Variants in STRN observed in about 807,000 individuals in gnomAD.
The protein encoded by STRN is protein phosphatase 2 regulatory subunit B'''alpha.
In STRN, 53 loss-of-function variants were observed where a neutral mutation model predicts 96.3. The observed-to-expected ratio is 0.55, with a 90% CI of 0.44 to 0.69. The LOEUF is 0.69. STRN is among the 30% of genes least tolerant of loss of function. STRN has a pLI of 0.00. For synonymous variants in STRN, 428 were observed against 355.9 expected, an observed-to-expected ratio of 1.20 and a Z score of -2.28; for missense variants, 987 against 963.9, an observed-to-expected ratio of 1.02 and a Z score of -0.32.
chr2:36,878,651 T>C (rs1211327333), intron 9 of STRN, among the ~76,000 whole-genome samples: 1 of 152,214 alleles, frequency 6.6e-6, no homozygotes, highest in African/African-American at 2.4e-5. Flanking sequence ...GTAATAATTC[T>C]ATCTTGATGA....
chr2:36,900,211 T>C (rs570914117), intron 5 of STRN, among the ~76,000 whole-genome samples: 23 of 152,294 alleles, frequency 1.5e-4, no homozygotes, highest in Non-Finnish European at 2.9e-4. Context: ...AGTGGTAATC[T>C]AATGTAAAAA....
chr2:36,865,459 T>A (rs574779514), intron 12 of STRN, among the ~76,000 whole-genome samples: 1 of 152,272 alleles, frequency 6.6e-6, no homozygotes, highest in Admixed American at 6.5e-5. Context: ...TTTTTTTGTG[T>A]GTCTCAATTT....
intron 2 of STRN, among the ~76,000 whole-genome samples, chr2:36,920,884 G>A (rs1037217787): frequency 6.6e-6 from 1 of 151,744 alleles, no homozygotes; most frequent in African/African-American, 2.4e-5. Context: ...AGACCATCCT[G>A]GCCAAGATGG....
rs534608286 is a variant in STRN at position 36,921,626 on chromosome 2, C to T, written c.338+3479G>A. On this transcript the variant is annotated intron_variant, in intron 2 of 17. Transcript: ENST00000263918. ...TGGGAGTCATTCTCAAATTATCTTT[C>T]TCATTCACCCACTGTCCCATCTCCA... is the stretch of plus-strand genomic sequence containing the variant. Among the ~76,000 whole-genome samples the T allele has an allele frequency of 9.2e-5, 14 of 152,324 alleles. 2 individuals are homozygous for T. In the South Asian group the frequency reaches 2.9e-3, roughly 32 times the overall value.
intron 13 of STRN, among the ~76,000 whole-genome samples, chr2:36,860,423 T>A (rs1200452900): frequency 1.3e-5 from 2 of 152,146 alleles, no homozygotes; most frequent in East Asian, 1.9e-4. Context: ...CTGGGAAAAA[T>A]TTTTGTTTAT....
At chr2:36,898,954 A>T (rs1005201719) in intron 6 of STRN, among the ~76,000 whole-genome samples, 2 of 152,142 alleles carry the variant, frequency 1.3e-5, no homozygotes, top group African/African-American at 4.8e-5. Context: ...GGAAGAAGAG[A>T]AGAAAATGGA....
chr2:36,934,432 T>G lies in STRN; in HGVS notation c.235-9224A>C, dbSNP rs1369841281. Among the ~76,000 whole-genome samples, 3 of 152,336 alleles carry G rather than the reference T, an allele frequency of 2.0e-5. No homozygotes were observed. The East Asian group carries it at 5.8e-4, about 29-fold the overall frequency. On this transcript the variant is annotated intron_variant, in intron 1 of 17. Coordinates refer to ENST00000263918, the MANE Select transcript of STRN (RefSeq NM_003162.4). ...ATTCCACAAAAAGATGTCTTAATCT[T>G]AAAATCTGAGGATTTACAGAGCTCT... is the stretch of plus-strand genomic sequence containing the variant.
At chr2:36,955,118 C>T (rs1664852826) in intron 1 of STRN, among the ~76,000 whole-genome samples, 1 of 152,152 alleles carries the variant, frequency 6.6e-6, no homozygotes, top group African/African-American at 2.4e-5. Context: ...TATTAAAATT[C>T]ACTTGGCTCC....
At chr2:36,896,144 C>A (rs1195951624) in intron 6 of STRN, among the ~76,000 whole-genome samples, 1 of 152,090 alleles carries the variant, frequency 6.6e-6, no homozygotes, top group Non-Finnish European at 1.5e-5. Context: ...ACAAAAAGAG[C>A]AGGCAAAATC....
intron 7 of STRN, among the ~76,000 whole-genome samples, chr2:36,888,431 A>T (rs558718575): frequency 2.0e-5 from 3 of 152,258 alleles, no homozygotes; most frequent in African/African-American, 7.2e-5. Flanking sequence ...TTCTCCCTAG[A>T]ATCACTCTGC....
intron 2 of STRN, among the ~76,000 whole-genome samples, chr2:36,923,181 C>T (rs112245655): frequency 8.7e-5 from 13 of 149,842 alleles, no homozygotes; most frequent in Non-Finnish European, 7.4e-5. Context: ...CAGGTACATT[C>T]GCTCACGCCT....
rs774089395 is a variant in STRN, at chr2:36,966,250, C to A, written c.214G>T (p.Val72Leu). The change falls in exon 1 of 18, where the codon GTG becomes TTG. Residue 72 changes from valine (V) to leucine (L), a missense_variant. Physicochemically the swap from Val to Leu is conservative, Grantham distance 32. Transcript: ENST00000263918. ...RFEVERAQWE[V>L]ERAELQAQIA... is the part of the protein sequence containing the mutation. ...TTTACCTGCAGCTCCGCCCGCTCCA[C>A]CTCCCACTGGGCTCTCTCCACCTCG... is the stretch of plus-strand genomic sequence containing the variant. 3.8e-6 allele frequency: 6 copies of A among 1,580,308 alleles called. No homozygotes were observed. The highest frequency in any genetic ancestry group is 2.3e-5 in the South Asian group (2 of 87,728).
chr2:36,870,001 C>A lies in STRN; in HGVS notation c.1324-272G>T, dbSNP rs559311895. 8.7e-4 allele frequency among the ~76,000 whole-genome samples: 133 copies of A among 152,096 alleles called. 1 individual carries two copies. Among genetic ancestry groups the A allele is most frequent in the African/African-American group, 3.1e-3 (130 of 41,482 alleles). ...GTGAATCAAATTATATAAAATAGAT[C>A]TTACTAGGATGATAAATAATACCAA... is the stretch of plus-strand genomic sequence containing the variant. On this transcript the variant is annotated intron_variant, in intron 10 of 17. Coordinates refer to ENST00000263918, the MANE Select transcript of STRN (RefSeq NM_003162.4).
intron 12 of STRN, among the ~76,000 whole-genome samples, chr2:36,866,495 T>C (rs1668629931): frequency 6.6e-6 from 1 of 152,224 alleles, no homozygotes; most frequent in South Asian, 2.1e-4. Context: ...CATGTACAAA[T>C]GAGAAGAATG....
intron 1 of STRN, among the ~76,000 whole-genome samples, chr2:36,926,583 T>C (rs1670416904): frequency 6.6e-6 from 1 of 152,352 alleles, no homozygotes; most frequent in South Asian, 2.1e-4. Context: ...TTAGTTTGAA[T>C]GAGCTTTGTT....
intron 10 of STRN, among the ~76,000 whole-genome samples, chr2:36,873,760 C>T (rs1291628927): frequency 5.9e-5 from 9 of 151,672 alleles, no homozygotes; most frequent in South Asian, 2.1e-4. Flanking sequence ...CTGACCAACA[C>T]GGTGAAACCC....
chr2:36,849,644 T>G lies in STRN; in HGVS notation c.2174-19A>C, dbSNP rs1381557754. 1 of 1,610,288 alleles carries G rather than the reference T, an allele frequency of 6.2e-7. No homozygotes were observed. The highest frequency in any genetic ancestry group is 1.7e-5 in the Admixed American group (1 of 59,266). On this transcript the variant is annotated intron_variant, in intron 17 of 17. Transcript: ENST00000263918. ...TCATGACCTATATCCAAAAAAAAAA[T>G]TAAAAGGAAAAATTACATTAACATG...
At chr2:36,950,870 G>A (rs1287439068) in intron 1 of STRN, among the ~76,000 whole-genome samples, 4 of 152,156 alleles carry the variant, frequency 2.6e-5, no homozygotes. Flanking sequence ...AGGGGAAGCA[G>A]GCTCAGAGAC....
rs1278567115 is a variant in STRN at position 36,845,027 on chromosome 2, T to A, written c.*4429A>T. On this transcript the variant is annotated 3_prime_UTR_variant, in exon 18 of 18. Transcript: ENST00000263918. ...AAATTACTAAACAAGTTAACAGTAA[T>A]GGAGAGGCAACTTCTGAGTAAATAA... The A allele has an allele frequency of 6.6e-6, 1 of 152,132 alleles. No homozygotes were observed. The highest frequency in any genetic ancestry group is 2.4e-5 in the African/African-American group (1 of 41,438). The allele number at this position is 152,132 out of a possible 1,614,324, so 9.4% of individuals were successfully genotyped here. A position where few individuals can be genotyped will look rare whatever the true frequency, so the allele number is the denominator to read the frequency against.
Sources: gnomAD v4.1 joint callset for allele counts (sites outside exome capture counted in the v4.1 genomes callset) on GRCh38, gnomAD v4.1.1 for gene constraint, MANE v1.5 for transcripts, NCBI Gene and HGNC (gene_info 2026-07-23, HGNC 2026-07-21) for gene names.